CPNE8: variants seen among roughly 807,000 people sequenced by gnomAD.
CPNE8 encodes copine 8.
Under a neutral mutation model 81.5 loss-of-function variants are expected in CPNE8, and 45 were observed. That is an observed-to-expected ratio of 0.55 (90% CI 0.44 to 0.71). The LOEUF (loss-of-function observed/expected upper bound fraction) is 0.71. Ranked by LOEUF, CPNE8 falls within the 30% of genes least tolerant of loss-of-function variation. CPNE8 has a pLI of 0.00. For synonymous variants in CPNE8, 252 were observed against 226.3 expected, an observed-to-expected ratio of 1.11 and a Z score of -1.02; for missense variants, 594 against 672.1, an observed-to-expected ratio of 0.88 and a Z score of 1.28.
At chr12:38,893,216 A>G (rs970531739) in intron 1 of CPNE8, among the ~76,000 whole-genome samples, 2 of 152,228 alleles carry the variant, frequency 1.3e-5, no homozygotes, top group Non-Finnish European at 2.9e-5. Context: ...GGGGCTGGGT[A>G]AAATAAGGCT....
At chr12:38,855,897 A>T (rs1943725056) in intron 3 of CPNE8, among the ~76,000 whole-genome samples, 1 of 152,036 alleles carries the variant, frequency 6.6e-6, no homozygotes, top group African/African-American at 2.4e-5. Flanking sequence ...TCAATGAAAC[A>T]ACTGAAAGAA....
Position 38,734,453 on chromosome 12 carries a change from G to A in CPNE8, c.723-4095C>T, listed in dbSNP as rs185221738. On this transcript the variant is annotated intron_variant, in intron 10 of 19. Transcript: ENST00000331366. The stretch of plus-strand genomic sequence containing the variant: ...AATTACAACAAAGGTATGGAAAAAA[G>A]AGAATATTGCCATTTTTGGCACATC... Among the ~76,000 whole-genome samples, 4 of 152,128 alleles carry A rather than the reference G, an allele frequency of 2.6e-5. No homozygotes were observed. The East Asian group carries it at 7.7e-4, about 29-fold the overall frequency.
At chr12:38,864,978 C>T (rs1943894687) in intron 3 of CPNE8, among the ~76,000 whole-genome samples, 1 of 152,152 alleles carries the variant, frequency 6.6e-6, no homozygotes, top group Non-Finnish European at 1.5e-5. Context: ...CAAGGAATTC[C>T]TGTCCTGAAG....
chr12:38,866,123 AT>A (rs1489798668), intron 3 of CPNE8, among the ~76,000 whole-genome samples: 1 of 152,250 alleles, frequency 6.6e-6, no homozygotes, highest in African/African-American at 2.4e-5. Context: ...TTGTTGAAAT[AT>A]TAATGGCCAC....
intron 13 of CPNE8, among the ~76,000 whole-genome samples, chr12:38,710,268 C>CAAAAAAAAAAAAAAAAAAAAAAAAAAAA (rs57376063): frequency 4.0e-5 from 2 of 50,294 alleles, no homozygotes; most frequent in South Asian, 1.4e-3. Flanking sequence ...AATAAGCTAA[C>CAAAAAAAAAAAAAAAAAAAAAAAAAAAA]AAAAAAAAAA....
chr12:38,748,720 G>T (rs1201669221), intron 10 of CPNE8, among the ~76,000 whole-genome samples: 1 of 152,000 alleles, frequency 6.6e-6, no homozygotes, highest in East Asian at 1.9e-4. Context: ...AGCCAGGATG[G>T]TCTCAATCTC....
Position 38,890,900 on chromosome 12 carries a change from CAT to C in CPNE8, c.98+14535_98+14536del, listed in dbSNP as rs577866179. 5.4e-3 allele frequency among the ~76,000 whole-genome samples: 795 copies of C among 147,384 alleles called. 4 individuals carry two copies. Among genetic ancestry groups the C allele is most frequent in the African/African-American group, 0.017 (670 of 40,456 alleles). On this transcript the variant is annotated intron_variant, in intron 1 of 19. Coordinates refer to ENST00000331366, the MANE Select transcript of CPNE8 (RefSeq NM_153634.3). ...GTCAACATTTTTATTTATATATATA[CAT>C]ATATATATATGTATATATATAAAAT...
intron 3 of CPNE8, among the ~76,000 whole-genome samples, chr12:38,859,348 A>T (rs1001256992): frequency 6.6e-6 from 1 of 152,162 alleles, no homozygotes; most frequent in Admixed American, 6.5e-5. Context: ...TTCTAACAGA[A>T]TCAGAAAGAA....
chr12:38,703,059 G>T, intron 13 of CPNE8, 138 bp from the exon 14 acceptor site: 1 of 517,030 alleles, frequency 1.9e-6, no homozygotes, highest in East Asian at 3.2e-5. Context: ...AGTACATATT[G>T]GATAGCATCA....
chr12:38,662,224 T>C (rs1346838612), intron 19 of CPNE8, among the ~76,000 whole-genome samples: 2 of 152,156 alleles, frequency 1.3e-5, no homozygotes, highest in Non-Finnish European at 2.9e-5. Flanking sequence ...TTATTTCTGT[T>C]TGCAGCTGAC....
In CPNE8 at chr12:38,653,617, TA is replaced by T. The variant is rs59710225; in HGVS notation, c.*264del. ...TACATTGGAAATTAGCTGTTTCTGT[TA>T]AAAAAAAAAAGAAAGAAAGATTTAG... On this transcript the variant is annotated 3_prime_UTR_variant, in exon 20 of 20. Transcript: ENST00000331366. The T allele has an allele frequency of 5.1e-3, 757 of 147,926 alleles. No individual in the cohort carries two copies. The highest frequency in any genetic ancestry group is 0.032 in the East Asian group (299 of 9,448). The allele number at this position is 147,926 out of a possible 1,614,324, so 9.2% of individuals were successfully genotyped here. A position where few individuals can be genotyped will look rare whatever the true frequency, so the allele number is the denominator to read the frequency against.
rs1024383288 is a variant in CPNE8 at position 38,874,384 on chromosome 12, A to C, written c.139+87T>G. The C allele has an allele frequency of 4.9e-6, 5 of 1,018,892 alleles. No homozygotes were observed. The African/African-American group carries it at 6.4e-5, about 13-fold the overall frequency. 63.1% of individuals were successfully genotyped at this position (1,018,892 alleles called of 1,614,324 possible). On this transcript the variant is annotated intron_variant, in intron 2 of 19. Coordinates refer to ENST00000331366, the MANE Select transcript of CPNE8 (RefSeq NM_153634.3). ...TTCTCCTGTTGCTTTCTAGGCTTTA[A>C]AACAAACCTTTAAACAAGAACTATG... is the stretch of plus-strand genomic sequence containing the variant.
chr12:38,848,700 T>C (rs578233674), intron 3 of CPNE8, 38 bp from the exon 4 acceptor site: 5 of 1,547,072 alleles, frequency 3.2e-6, no homozygotes, highest in South Asian at 1.2e-5. Flanking sequence ...TTAAACCTTG[T>C]ACGGCTACTT....
At chr12:38,718,645 A>C (rs191959367) in intron 13 of CPNE8, among the ~76,000 whole-genome samples, 82 of 152,302 alleles carry the variant, frequency 5.4e-4, no homozygotes, top group Admixed American at 1.3e-3. Flanking sequence ...ATATCTAACA[A>C]ATTGTGAAAT....
At chr12:38,779,863 T>C (rs1044081813) in intron 6 of CPNE8, among the ~76,000 whole-genome samples, 1 of 152,096 alleles carries the variant, frequency 6.6e-6, no homozygotes, top group African/African-American at 2.4e-5. Context: ...TAAGCATTTA[T>C]AATATATTTA....
chr12:38,754,153 C>G (rs1941410295), intron 10 of CPNE8, among the ~76,000 whole-genome samples: 1 of 152,110 alleles, frequency 6.6e-6, no homozygotes, highest in Admixed American at 6.5e-5. Context: ...AACAGAATAT[C>G]AACAGGCAAA....
intron 10 of CPNE8, among the ~76,000 whole-genome samples, chr12:38,751,308 A>AT: frequency 1.3e-5 from 2 of 152,280 alleles, no homozygotes; most frequent in Non-Finnish European, 2.9e-5. Context: ...AGTAAATTTC[A>AT]TTTTTAAAAT....
chr12:38,860,867 G>A (rs1943821188), intron 3 of CPNE8, among the ~76,000 whole-genome samples: 1 of 152,162 alleles, frequency 6.6e-6, no homozygotes, highest in Non-Finnish European at 1.5e-5. Context: ...GGAAGAATTA[G>A]TCAAAGGGTA....
intron 6 of CPNE8, among the ~76,000 whole-genome samples, chr12:38,826,751 TG>T (rs1392149199): frequency 6.6e-6 from 1 of 152,132 alleles, no homozygotes; most frequent in Non-Finnish European, 1.5e-5. Context: ...AATATAAATA[TG>T]ATTTTCCACT....
Sources: gnomAD v4.1 joint callset for allele counts (sites outside exome capture counted in the v4.1 genomes callset) on GRCh38, gnomAD v4.1.1 for gene constraint, MANE v1.5 for transcripts, NCBI Gene and HGNC (gene_info 2026-07-23, HGNC 2026-07-21) for gene names.